Variants in OXSR1 observed in about 807,000 individuals in gnomAD.
OXSR1 encodes the protein serine/threonine-protein kinase OSR1.
A neutral mutation model predicts 79.8 loss-of-function variants in OXSR1; 24 were observed. The ratio of observed to expected loss-of-function variants is 0.30; its 90% confidence interval spans 0.22 to 0.42. OXSR1 has a LOEUF of 0.42. OXSR1 is among the 10% of genes least tolerant of loss of function. OXSR1 has a pLI of 1.00. For missense variants in OXSR1, 430 were observed against 618.4 expected, an observed-to-expected ratio of 0.70 and a Z score of 3.23; for synonymous variants, 226 against 209.2, an observed-to-expected ratio of 1.08 and a Z score of -0.69.
At chr3:38,174,457 C>T (rs1275193895) in intron 1 of OXSR1, among the ~76,000 whole-genome samples, 1 of 152,122 alleles carries the variant, frequency 6.6e-6, no homozygotes, top group Non-Finnish European at 1.5e-5. Flanking sequence ...TGGTGCATGT[C>T]TGTAATCCCA....
At chr3:38,173,184 A>G (rs1379153150) in intron 1 of OXSR1, among the ~76,000 whole-genome samples, 1 of 152,232 alleles carries the variant, frequency 6.6e-6, no homozygotes, top group Non-Finnish European at 1.5e-5. Flanking sequence ...ACACATTATT[A>G]CTTCAAACAA....
At chr3:38,224,778 T>G in intron 8 of OXSR1, 74 bp downstream of exon 8, 2 of 986,626 alleles carry the variant, frequency 2.0e-6, no homozygotes, top group Non-Finnish European at 1.5e-6. Flanking sequence ...CATACTCATA[T>G]GTACAGGAAA....
intron 1 of OXSR1, among the ~76,000 whole-genome samples, chr3:38,167,980 G>A (rs1701500596): frequency 6.6e-6 from 1 of 151,850 alleles, no homozygotes; most frequent in Admixed American, 6.6e-5. Flanking sequence ...CTGTTAAGGT[G>A]GCAGAGAATT....
At chr3:38,240,344 T>C (rs1225227345) in intron 11 of OXSR1, among the ~76,000 whole-genome samples, 1 of 152,136 alleles carries the variant, frequency 6.6e-6, no homozygotes, top group Non-Finnish European at 1.5e-5. Context: ...TAGAAGAAGA[T>C]ATACGCAGGT....
intron 12 of OXSR1, among the ~76,000 whole-genome samples, chr3:38,245,449 A>G (rs1342449635): frequency 6.6e-6 from 1 of 152,160 alleles, no homozygotes; most frequent in Non-Finnish European, 1.5e-5. Context: ...ATGTTAAGGA[A>G]TTATTGGTTG....
rs1172859188 is a variant in OXSR1, at chr3:38,224,697, G to A, written c.829G>A (p.Glu277Lys). The change falls in exon 8 of 18, where the codon GAA (glutamate) becomes AAA (lysine). Residue 277 changes from glutamate to lysine, a missense_variant. Transcript: ENST00000311806. Reference protein sequence around the residue: ...MISLCLQKDPEKRPTAAELLR... With the variant: ...MISLCLQKDPKKRPTAAELLR... ...TTCATTGTGCCTTCAAAAAGATCCA[G>A]AAAAAAGGTAAAATATGAGAAAAAG... 2 of 1,552,488 alleles carry A rather than the reference G, an allele frequency of 1.3e-6. No individual in the cohort carries two copies. The highest frequency in any genetic ancestry group is 2.0e-5 in the Admixed American group (1 of 48,950).
intron 10 of OXSR1, among the ~76,000 whole-genome samples, chr3:38,231,391 A>C (rs59205546): frequency 6.6e-6 from 1 of 151,872 alleles, no homozygotes; most frequent in African/African-American, 2.4e-5. Flanking sequence ...TAAAGTCATG[A>C]CTCTAGTGGA....
At chr3:38,229,601 A>T in intron 8 of OXSR1, 86 bp from the exon 9 acceptor site, 1 of 1,180,714 alleles carries the variant, frequency 8.5e-7, no homozygotes, top group East Asian at 2.4e-5. Context: ...TGTTGAAAAA[A>T]ATTTTTTCTC....
At chr3:38,203,733 T>A (rs1434359140) in intron 4 of OXSR1, among the ~76,000 whole-genome samples, 1 of 152,104 alleles carries the variant, frequency 6.6e-6, no homozygotes, top group Non-Finnish European at 1.5e-5. Context: ...GGGGGTGGGA[T>A]GACACAAGCA....
chr3:38,253,723 T>G lies in OXSR1; in HGVS notation c.*832T>G, dbSNP rs1703305550. On this transcript the variant is annotated 3_prime_UTR_variant, in exon 18 of 18. Coordinates refer to ENST00000311806, the MANE Select transcript of OXSR1 (RefSeq NM_005109.3). ...CATATCATTGGAGAAGTATTTATTT[T>G]CAAATATCAAATTGAAGAAAAACTC... 6.5e-6 allele frequency: 1 copy of G among 154,846 alleles called. No homozygotes were observed. Among genetic ancestry groups the G allele is most frequent in the African/African-American group, 2.4e-5 (1 of 41,532 alleles). 9.6% of individuals were successfully genotyped at this position (154,846 alleles called of 1,614,324 possible).
chr3:38,247,646 T>C (rs767880810), intron 13 of OXSR1, 22 bp from the exon 14 acceptor site: 2 of 1,584,964 alleles, frequency 1.3e-6, no homozygotes, highest in Non-Finnish European at 1.7e-6. Context: ...GCAATGACTG[T>C]ATACCTTTCA....
intron 8 of OXSR1, 130 bp downstream of exon 8, chr3:38,224,834 G>A (rs1342215705): frequency 3.2e-6 from 2 of 631,114 alleles, no homozygotes; most frequent in African/African-American, 1.9e-5. Context: ...AGTATACAGA[G>A]ACCATTATAC....
intron 12 of OXSR1, among the ~76,000 whole-genome samples, chr3:38,244,562 A>G (rs1024827882): frequency 6.6e-6 from 1 of 151,928 alleles, no homozygotes; most frequent in Non-Finnish European, 1.5e-5. Context: ...TTCACTTAGC[A>G]TAATGTTCTC....
chr3:38,216,934 A>G (rs1210442180), intron 5 of OXSR1, among the ~76,000 whole-genome samples: 1 of 152,232 alleles, frequency 6.6e-6, no homozygotes. Flanking sequence ...CTCCTTTAAA[A>G]TGAGCAACTT....
At chr3:38,234,977 C>G (rs1175492016) in intron 10 of OXSR1, among the ~76,000 whole-genome samples, 1 of 152,088 alleles carries the variant, frequency 6.6e-6, no homozygotes, top group Non-Finnish European at 1.5e-5. Flanking sequence ...TTTAAAAAGC[C>G]CATCACAAAA....
chr3:38,198,838 C>T lies in OXSR1; in HGVS notation c.409C>T (p.Leu137=). The part of the protein sequence containing the change: ...LREVLEGLEY[L]HKNGQIHRDV... Reference sequence around the variant, plus strand: ...AGAAGTACTGGAAGGGCTGGAATATCTGCATAAAAATGGACAGATCCACAG... The same window carrying T: ...AGAAGTACTGGAAGGGCTGGAATATTTGCATAAAAATGGACAGATCCACAG... The change falls in exon 4 of 18, where the codon CTG becomes TTG. Residue 137 remains leucine (L), a synonymous_variant. Coordinates refer to ENST00000311806, the MANE Select transcript of OXSR1 (RefSeq NM_005109.3). The T allele has an allele frequency of 6.2e-7, 1 of 1,613,588 alleles. No homozygotes were observed. The highest frequency in any genetic ancestry group is 8.5e-7 in the Non-Finnish European group (1 of 1,179,664).
At chr3:38,179,990 G>T (rs1701751720) in intron 1 of OXSR1, among the ~76,000 whole-genome samples, 1 of 152,050 alleles carries the variant, frequency 6.6e-6, no homozygotes, top group Non-Finnish European at 1.5e-5. Flanking sequence ...TGTATTTTTA[G>T]TAGAGACAGG....
chr3:38,222,989 T>C (rs1481739795), intron 6 of OXSR1, among the ~76,000 whole-genome samples: 1 of 152,214 alleles, frequency 6.6e-6, no homozygotes, highest in Non-Finnish European at 1.5e-5. Flanking sequence ...ATACCATACT[T>C]AACAGTTTCT....
Position 38,178,089 on chromosome 3 carries a change from C to G in OXSR1, c.71-4914C>G, listed in dbSNP as rs533736509. Among the ~76,000 whole-genome samples, 24 of 152,100 alleles carry G rather than the reference C, an allele frequency of 1.6e-4. No individual in the cohort carries two copies. In the South Asian group the frequency reaches 5.0e-3, roughly 32 times the overall value. Reference sequence around the variant, plus strand: ...TCGGCCTCCTGAGTAACGGGGATTACAGATGTGTGCGACGACACCCAGCTA... The same window carrying G: ...TCGGCCTCCTGAGTAACGGGGATTAGAGATGTGTGCGACGACACCCAGCTA... On this transcript the variant is annotated intron_variant, in intron 1 of 17. Coordinates refer to ENST00000311806, the MANE Select transcript of OXSR1 (RefSeq NM_005109.3).
Sources: allele counts gnomAD v4.1 joint callset (sites outside exome capture counted in the v4.1 genomes callset), GRCh38; gene constraint gnomAD v4.1.1; transcripts MANE v1.5; gene names NCBI Gene and HGNC (gene_info 2026-07-23, HGNC 2026-07-21).